SYNJ1: variants seen among roughly 807,000 people sequenced by gnomAD.
SYNJ1 encodes the protein polyphosphatidylinositol phosphatase SYNJ1.
Under a neutral mutation model 168.2 loss-of-function variants are expected in SYNJ1, and 78 were observed. The ratio of observed to expected loss-of-function variants is 0.46; its 90% CI spans 0.39 to 0.56. SYNJ1 has a LOEUF of 0.56. Ranked by LOEUF, SYNJ1 falls within the 20% of genes least tolerant of loss-of-function variation. The pLI, the probability that SYNJ1 is intolerant of heterozygous loss-of-function variation, is 0.00. For missense variants in SYNJ1, 1,303 were observed against 1,597.6 expected, an observed-to-expected ratio of 0.82 and a Z score of 3.14; for synonymous variants, 539 against 548.6, an observed-to-expected ratio of 0.98 and a Z score of 0.24.
In SYNJ1 at chr21:32,646,426, G is replaced by A. The variant is rs1257855114; in HGVS notation, c.3214C>T (p.Pro1072Ser). 6.2e-7 allele frequency: 1 copy of A among 1,614,150 alleles called. No homozygotes were observed. The change falls in exon 24 of 33, where the codon CCG becomes TCG. Residue 1072 changes from proline (P) to serine (S), a missense_variant. This residue lies in a region of SYNJ1 where 383 missense variants were observed against 388.8 expected (regional missense o/e 0.99). Coordinates refer to ENST00000674351, the MANE Select transcript of SYNJ1 (RefSeq NM_203446.3). ...CTGGGAGGCCCAGGAGTTCTTGACG[G>A]TGCTCGGCTTGGTCTGATGGGAAGG... ...PSLPIRPSRA[P>S]SRTPGPPSAQ...
intron 26 of SYNJ1, 78 bp from the exon 27 acceptor site, chr21:32,643,535 T>C (rs1304323710): frequency 2.0e-5 from 29 of 1,446,940 alleles, no homozygotes; most frequent in Non-Finnish European, 2.3e-5. Flanking sequence ...ACAAGACAAT[T>C]TCCATAGTAA....
Position 32,641,980 on chromosome 21 carries a change from A to C in SYNJ1, c.3518-14T>G, listed in dbSNP as rs1165109497. 6.2e-7 allele frequency: 1 copy of C among 1,613,710 alleles called. No individual in the cohort carries two copies. The highest frequency in any genetic ancestry group is 2.2e-5 in the East Asian group (1 of 44,864). ...GCTGACTGCGTCCTGGAACAAAGACATCATATCATATATTTAAGTTTAAAA... is the reference window on the plus strand; with the variant it reads ...GCTGACTGCGTCCTGGAACAAAGACCTCATATCATATATTTAAGTTTAAAA... On this transcript the variant is annotated splice_polypyrimidine_tract_variant and intron_variant, in intron 28 of 32. Coordinates refer to ENST00000674351, the MANE Select transcript of SYNJ1 (RefSeq NM_203446.3).
At chr21:32,708,406 T>A (rs1041198117) in intron 2 of SYNJ1, among the ~76,000 whole-genome samples, 2 of 152,184 alleles carry the variant, frequency 1.3e-5, no homozygotes, top group Admixed American at 1.3e-4. Context: ...TTTTTTCCCC[T>A]CCTATTCATG....
Position 32,666,522 on chromosome 21 carries a change from T to C in SYNJ1, c.1863A>G (p.Arg621=). 6.2e-7 allele frequency: 1 copy of C among 1,614,130 alleles called. No individual in the cohort carries two copies. Among genetic ancestry groups the C allele is most frequent in the Non-Finnish European group, 8.5e-7 (1 of 1,179,986 alleles). Residue 621 remains arginine (R), a synonymous_variant, in exon 16 of 33, where the codon AGA becomes AGG. Coordinates refer to ENST00000674351, the MANE Select transcript of SYNJ1 (RefSeq NM_203446.3). ...WAVELQKTIS[R]DNKYVLLASE... Reference sequence around the variant, plus strand: ...AAGCCAGCAGCACATACTTGTTGTCTCTGGAGATTGTCTTCTGAAGTTCTA... The same window carrying C: ...AAGCCAGCAGCACATACTTGTTGTCCCTGGAGATTGTCTTCTGAAGTTCTA...
intron 2 of SYNJ1, among the ~76,000 whole-genome samples, chr21:32,712,727 T>A (rs1449265029): frequency 1.3e-5 from 2 of 152,326 alleles, no homozygotes; most frequent in East Asian, 3.9e-4. Context: ...TTATAGTAAG[T>A]ACTATAATGG....
At chr21:32,708,058 GA>G (rs1351866691) in intron 2 of SYNJ1, among the ~76,000 whole-genome samples, 1 of 152,062 alleles carries the variant, frequency 6.6e-6, no homozygotes, top group Admixed American at 6.5e-5. Flanking sequence ...GAAAGTATTT[GA>G]ATGCCCTCAT....
intron 11 of SYNJ1, among the ~76,000 whole-genome samples, chr21:32,680,761 GTGCACCACCA>G (rs1190366625): frequency 6.6e-6 from 1 of 152,056 alleles, no homozygotes; most frequent in Non-Finnish European, 1.5e-5. Context: ...GATTTCAGGT[GTGCACCACCA>G]TGCCCAGCTA....
Position 32,646,569 on chromosome 21 carries a change from T to C in SYNJ1, c.3071A>G (p.Glu1024Gly), listed in dbSNP as rs2040080076. The C allele has an allele frequency of 6.2e-7, 1 of 1,613,880 alleles. No individual in the cohort carries two copies. Among genetic ancestry groups the C allele is most frequent in the South Asian group, 1.1e-5 (1 of 91,074 alleles). Residue 1024 changes from glutamate to glycine, a missense_variant, in exon 24 of 33, where the codon GAA becomes GGA. Physicochemically the swap from Glu to Gly is moderately conservative, Grantham distance 98. Transcript: ENST00000674351. The stretch of plus-strand genomic sequence containing the variant: ...TGGCTGGAGATGCTGAGGAAGAAGT[T>C]CCTCCACTTCAGCACTATAGTCATC... ...DVDDYSAEVE[E>G]LLPQHLQPSS... is the part of the protein sequence containing the mutation.
chr21:32,698,536 C>A (rs1490825448), intron 4 of SYNJ1, among the ~76,000 whole-genome samples: 1 of 152,170 alleles, frequency 6.6e-6, no homozygotes, highest in Non-Finnish European at 1.5e-5. Flanking sequence ...TATAATAATA[C>A]ATAATTTGCA....
chr21:32,699,277 G>A (rs991594468), intron 4 of SYNJ1, among the ~76,000 whole-genome samples: 3 of 152,168 alleles, frequency 2.0e-5, no homozygotes, highest in Admixed American at 2.0e-4. Context: ...ATCTTCTATT[G>A]TCTCAGTTCT....
At chr21:32,703,649 T>C (rs1448502457) in intron 2 of SYNJ1, among the ~76,000 whole-genome samples, 1 of 152,186 alleles carries the variant, frequency 6.6e-6, no homozygotes, top group Non-Finnish European at 1.5e-5. Context: ...GTACTAGATA[T>C]ATCCATTTCA....
At chr21:32,642,421 T>A (rs1216885904) in intron 27 of SYNJ1, among the ~76,000 whole-genome samples, 1 of 3,442 alleles carries the variant, frequency 2.9e-4, no homozygotes, top group Non-Finnish European at 4.1e-4. Flanking sequence ...GCATTCCCCA[T>A]AGAACTCTCT....
At chr21:32,708,696 G>GGAAAAGCTATAGA (rs1879909856) in intron 2 of SYNJ1, among the ~76,000 whole-genome samples, 1 of 151,690 alleles carries the variant, frequency 6.6e-6, no homozygotes, top group South Asian at 2.1e-4. Flanking sequence ...TTATTTTAAA[G>GGAAAAGCTATAGA]GAAAAGACTA....
intron 27 of SYNJ1, 55 bp from the exon 28 acceptor site, chr21:32,642,188 TTGCATAACATCAGCTTGCTGTTC>T (rs1426443700): frequency 6.3e-7 from 1 of 1,597,158 alleles, no homozygotes; most frequent in Non-Finnish European, 8.6e-7. Flanking sequence ...TTAAGCAATA[TTGCATAACATCAGCTTGCTGTTC>T]TGCTTCATTA....
intron 22 of SYNJ1, among the ~76,000 whole-genome samples, chr21:32,651,742 T>C (rs947425704): frequency 4.6e-5 from 7 of 152,098 alleles, no homozygotes; most frequent in South Asian, 2.1e-4. Context: ...AAAAGATACA[T>C]AGAGGTTCAC....
chr21:32,723,746 G>A (rs974670469), intron 2 of SYNJ1, among the ~76,000 whole-genome samples: 5 of 152,050 alleles, frequency 3.3e-5, no homozygotes, highest in East Asian at 1.9e-4. Context: ...AATTGAGCCC[G>A]GGAGTTCCAG....
At chr21:32,641,295 C>T (rs1380695200) in intron 29 of SYNJ1, among the ~76,000 whole-genome samples, 1 of 152,090 alleles carries the variant, frequency 6.6e-6, no homozygotes, top group Non-Finnish European at 1.5e-5. Context: ...TCTTGATTAC[C>T]TGTTATAGTC....
intron 31 of SYNJ1, 67 bp from the exon 32 acceptor site, chr21:32,634,951 C>A (rs1310047370): frequency 1.3e-6 from 2 of 1,546,940 alleles, no homozygotes; most frequent in Admixed American, 1.7e-5. Context: ...ACCAGCAACC[C>A]TAACAATTCA....
chr21:32,711,496 C>T (rs1210760819), intron 2 of SYNJ1, among the ~76,000 whole-genome samples: 1 of 152,106 alleles, frequency 6.6e-6, no homozygotes, highest in African/African-American at 2.4e-5. Context: ...CCATGCCCAG[C>T]TAATTTTTGT....
Sources: gnomAD v4.1 joint callset for allele counts (sites outside exome capture counted in the v4.1 genomes callset) on GRCh38, gnomAD v4.1.1 for gene constraint, gnomAD v4.1.1 regional missense constraint, MANE v1.5 for transcripts, NCBI Gene and HGNC (gene_info 2026-07-23, HGNC 2026-07-21) for gene names.